RBX1: variants seen among roughly 807,000 people sequenced by gnomAD.
RBX1 encodes the protein ring-box 1, also known as E3 ubiquitin-protein ligase RBX1.
For synonymous variants in RBX1, 48 were observed against 47.9 expected, an observed-to-expected ratio of 1.00 and a Z score of -0.01; for missense variants, 46 against 141.4, an observed-to-expected ratio of 0.33 and a Z score of 3.42.
At chr22:40,961,204 C>T (rs1416433040) in intron 2 of RBX1, among the ~76,000 whole-genome samples, 3 of 150,546 alleles carry the variant, frequency 2.0e-5, no homozygotes, top group Non-Finnish European at 4.4e-5. Context: ...TCTCCTGCCT[C>T]AGCCTCCTTA....
chr22:40,966,274 T>A (rs2058354161), intron 3 of RBX1: 1 of 152,210 alleles, frequency 6.6e-6, no homozygotes, highest in Non-Finnish European at 1.5e-5. Context: ...TAATACATCT[T>A]AGTAAATGTT....
chr22:40,956,128 TAAAAG>T (rs2058324756), intron 2 of RBX1, among the ~76,000 whole-genome samples: 2 of 152,158 alleles, frequency 1.3e-5, no homozygotes, highest in South Asian at 4.1e-4. Flanking sequence ...ATGTACTTCT[TAAAAG>T]GACCACAGAA....
rs762353234 is a variant in RBX1 at position 40,964,034 on chromosome 22, C to G, written c.158-13C>G. 12 of 1,611,624 alleles carry G rather than the reference C, an allele frequency of 7.4e-6. No homozygotes were observed. In the South Asian group the frequency reaches 1.2e-4, roughly 16 times the overall value. ...CCCAAGGTCCAGTGATCCTGTTGCT[C>G]TTGTTCCCACAGGCATAGAATGTCA... On this transcript the variant is annotated splice_polypyrimidine_tract_variant and intron_variant, in intron 2 of 4. Coordinates refer to ENST00000216225, the MANE Select transcript of RBX1 (RefSeq NM_014248.4).
intron 2 of RBX1, among the ~76,000 whole-genome samples, chr22:40,963,131 C>T (rs923611376): frequency 6.6e-6 from 1 of 151,992 alleles, no homozygotes; most frequent in Non-Finnish European, 1.5e-5. Flanking sequence ...TGAGCCACCA[C>T]GCCCAGCCAT....
intron 2 of RBX1, among the ~76,000 whole-genome samples, chr22:40,960,150 C>G (rs928328094): frequency 2.0e-5 from 3 of 152,020 alleles, no homozygotes; most frequent in African/African-American, 7.2e-5. Flanking sequence ...TCCCGTATTT[C>G]TTCTATTTAT....
intron 4 of RBX1, among the ~76,000 whole-genome samples, chr22:40,969,862 CTAAA>C (rs1187465270): frequency 1.3e-5 from 2 of 149,996 alleles, no homozygotes; most frequent in African/African-American, 4.9e-5. Flanking sequence ...GCACTCCAGT[CTAAA>C]TGACAGAGTG....
At chr22:40,967,692 T>C (rs2058357833) in intron 3 of RBX1, 107 bp from the exon 4 acceptor site, 2 of 755,364 alleles carry the variant, frequency 2.6e-6, no homozygotes, top group Non-Finnish European at 4.3e-6. Context: ...TCTTTTCTTT[T>C]CTTGCCCACT....
chr22:40,973,050 GCAT>G lies in RBX1; in HGVS notation c.*566_*568del, dbSNP rs1455830812. 1 of 152,520 alleles carries G rather than the reference GCAT, an allele frequency of 6.6e-6. No individual in the cohort carries two copies. Among genetic ancestry groups the G allele is most frequent in the Non-Finnish European group, 1.5e-5 (1 of 68,276 alleles). 9.4% of individuals were successfully genotyped at this position (152,520 alleles called of 1,614,324 possible). A position where few individuals can be genotyped will look rare whatever the true frequency, so the allele number is the denominator to read the frequency against. Reference sequence around the variant, plus strand: ...ACTGTGGGCTTCTGAGGACTAAGTGGCATCATGTGGGCACAGAGAGAAGCTTTG... The same window carrying G: ...ACTGTGGGCTTCTGAGGACTAAGTGGCATGTGGGCACAGAGAGAAGCTTTG... On this transcript the variant is annotated 3_prime_UTR_variant, in exon 5 of 5. Transcript: ENST00000216225.
Position 40,958,531 on chromosome 22 carries a change from A to G in RBX1, c.157+4898A>G, listed in dbSNP as rs112605763. ...GCTGTGCCCTAGTCGGATTCTGAAG[A>G]CTTCCTCTTTTAAGTCCATATTGAT... is the stretch of plus-strand genomic sequence containing the variant. On this transcript the variant is annotated intron_variant, in intron 2 of 4. Transcript: ENST00000216225. Among the ~76,000 whole-genome samples, 5 of 152,262 alleles carry G rather than the reference A, an allele frequency of 3.3e-5. 1 individual carries two copies. Among genetic ancestry groups the G allele is most frequent in the African/African-American group, 1.2e-4 (5 of 41,540 alleles).
chr22:40,954,391 C>CCCG, intron 2 of RBX1, among the ~76,000 whole-genome samples: 1 of 152,142 alleles, frequency 6.6e-6, no homozygotes, highest in African/African-American at 2.4e-5. Flanking sequence ...GAAATCATTG[C>CCCG]CAACATCTAA....
In RBX1 at chr22:40,961,853, C is replaced by T. The variant is rs550052820; in HGVS notation, c.158-2194C>T. 6.0e-5 allele frequency among the ~76,000 whole-genome samples: 9 copies of T among 149,154 alleles called. No homozygotes were observed. The East Asian group carries it at 1.4e-3, about 24-fold the overall frequency. ...AGGCTGGAATGCAGTGGTGTGATCT[C>T]GGCTCACTGCAGCCTCTGCCTCCTG... On this transcript the variant is annotated intron_variant, in intron 2 of 4. Transcript: ENST00000216225.
chr22:40,957,963 T>C (rs933065190), intron 2 of RBX1, among the ~76,000 whole-genome samples: 17 of 152,064 alleles, frequency 1.1e-4, no homozygotes, highest in African/African-American at 4.1e-4. Context: ...TAGCTGGGAT[T>C]ACAGGTACCC....
At position 40,958,418 on chromosome 22, in the gene RBX1, A is replaced by G. The variant is rs116205751; in HGVS notation, c.157+4785A>G. ...GTTAAAGATGAAAGTAAGAATCTAG[A>G]TTTAGCAACGGTTGTATTTTAATAA... On this transcript the variant is annotated intron_variant, in intron 2 of 4. Transcript: ENST00000216225. Among the ~76,000 whole-genome samples the G allele has an allele frequency of 9.6e-3, 1,457 of 152,292 alleles. 21 individuals carry two copies. The highest frequency in any genetic ancestry group is 0.034 in the African/African-American group (1,411 of 41,554).
rs141903494 is a variant in RBX1 at position 40,956,939 on chromosome 22, G to T, written c.157+3306G>T. On this transcript the variant is annotated intron_variant, in intron 2 of 4. Coordinates refer to ENST00000216225, the MANE Select transcript of RBX1 (RefSeq NM_014248.4). Reference sequence around the variant, plus strand: ...AGTCCCAGCTACTTGAGAGGCTGAGGCAGGAGAATGGCGTGAACCCAGGAG... The same window carrying T: ...AGTCCCAGCTACTTGAGAGGCTGAGTCAGGAGAATGGCGTGAACCCAGGAG... Among the ~76,000 whole-genome samples, 820 of 152,188 alleles carry T rather than the reference G, an allele frequency of 5.4e-3. 4 individuals are homozygous for T. Among genetic ancestry groups the T allele is most frequent in the African/African-American group, 0.019 (789 of 41,556 alleles).
chr22:40,957,395 C>T (rs1601535261), intron 2 of RBX1, among the ~76,000 whole-genome samples: 1 of 151,670 alleles, frequency 6.6e-6, no homozygotes, highest in African/African-American at 2.4e-5. Context: ...CCTGTAAACC[C>T]AAGACTTTGG....
intron 2 of RBX1, among the ~76,000 whole-genome samples, chr22:40,955,578 C>T (rs1015852442): frequency 5.3e-5 from 8 of 152,072 alleles, no homozygotes; most frequent in Non-Finnish European, 1.2e-4. Context: ...GTGTATTTTA[C>T]ACTTACAGCA....
At chr22:40,966,041 A>T (rs1268324176) in intron 3 of RBX1, among the ~76,000 whole-genome samples, 1 of 152,158 alleles carries the variant, frequency 6.6e-6, no homozygotes, top group Non-Finnish European at 1.5e-5. Flanking sequence ...CCTGGGTTCT[A>T]GTTCTGGGTC....
intron 4 of RBX1, among the ~76,000 whole-genome samples, chr22:40,970,394 A>T (rs1208802670): frequency 6.6e-6 from 1 of 151,748 alleles, no homozygotes; most frequent in Non-Finnish European, 1.5e-5. Context: ...TTTGATAAAT[A>T]GTGTCAGGTT....
At position 40,964,945 on chromosome 22, in the gene RBX1, G is replaced by C. The variant is rs568864874; in HGVS notation, c.228+828G>C. The stretch of plus-strand genomic sequence containing the variant: ...CCACATAAAATTGTAATCCGGATTA[G>C]ATGATTTATGTTAAAATGTGATTAA... On this transcript the variant is annotated intron_variant, in intron 3 of 4. Transcript: ENST00000216225. Among the ~76,000 whole-genome samples the C allele has an allele frequency of 9.5e-4, 145 of 152,288 alleles. 1 individual carries two copies. Among genetic ancestry groups the C allele is most frequent in the African/African-American group, 3.5e-3 (144 of 41,566 alleles).
Sources: allele counts gnomAD v4.1 joint callset (sites outside exome capture counted in the v4.1 genomes callset), GRCh38; gene constraint gnomAD v4.1.1; transcripts MANE v1.5; gene names NCBI Gene and HGNC (gene_info 2026-07-23, HGNC 2026-07-21).